SLAIN1: variants seen among roughly 807,000 people sequenced by gnomAD.
SLAIN1 encodes SLAIN motif-containing protein 1.
A neutral mutation model predicts 55.4 loss-of-function variants in SLAIN1; 17 were observed. The ratio of observed to expected loss-of-function variants is 0.31; its 90% CI spans 0.21 to 0.46. SLAIN1 has a LOEUF of 0.46. Ranked by LOEUF, SLAIN1 falls within the 20% of genes least tolerant of loss-of-function variation. The probability of loss-of-function intolerance (pLI) is 1.00; values close to 1 mark genes in which losing one functional copy is unlikely to be tolerated. For synonymous variants in SLAIN1, 348 were observed against 337.4 expected (o/e 1.03, Z -0.35); for missense variants, 682 against 785.1 (o/e 0.87, Z 1.57).
chr13:77,753,989 C>A (rs915055274), intron 5 of SLAIN1, among the ~76,000 whole-genome samples: 4 of 152,200 alleles, frequency 2.6e-5, no homozygotes, highest in African/African-American at 9.7e-5. Flanking sequence ...TGTGTATCTT[C>A]ACTTTATGTG....
Position 77,698,237 on chromosome 13 carries a change from C to T in SLAIN1, c.324C>T (p.Gly108=). The change falls in exon 1 of 7, where the codon GGC becomes GGT. Residue 108 remains glycine (G), a synonymous_variant. Transcript: ENST00000418532. This position sits in a 1 kb window ranked among gnomAD's most constrained non-coding sequence, Gnocchi z 4.1. ...LGLALGAGGG[G]GSGSGSGGGS... ...TGGCGCTGGGCGCGGGGGGCGGTGG[C>T]GGCAGCGGTAGTGGCAGCGGCGGTG... 4 of 1,357,276 alleles carry T rather than the reference C, an allele frequency of 2.9e-6. No homozygotes were observed. The highest frequency in any genetic ancestry group is 3.3e-5 in the East Asian group (1 of 30,226). The allele number at this position is 1,357,276 out of a possible 1,614,324, so 84.1% of individuals were successfully genotyped here. A position where few individuals can be genotyped will look rare whatever the true frequency, so the allele number is the denominator to read the frequency against.
chr13:77,703,016 T>G (rs1342275652), intron 1 of SLAIN1, among the ~76,000 whole-genome samples: 9 of 152,122 alleles, frequency 5.9e-5, no homozygotes, highest in Admixed American at 5.9e-4. Flanking sequence ...GGAAGTTAGG[T>G]CTTGCACACC....
In SLAIN1 at chr13:77,698,923, G is replaced by T. The variant is rs1473493302; in HGVS notation, c.626+384G>T. The T allele has an allele frequency of 7.8e-6, 12 of 1,533,790 alleles. No homozygotes were observed. The highest frequency in any genetic ancestry group is 1.4e-5 in the African/African-American group (1 of 73,102). ...CAGTGTTTTCGGAGGGATGACGGGG[G>T]ATGGTAGGGGTTGGCCTCTGTCTGC... is the stretch of plus-strand genomic sequence containing the variant. On this transcript the variant is annotated intron_variant, in intron 1 of 6. Transcript: ENST00000418532. This position sits in a 1 kb window ranked among gnomAD's most constrained non-coding sequence, Gnocchi z 4.1.
chr13:77,724,040 G>A (rs1146916), intron 2 of SLAIN1, among the ~76,000 whole-genome samples: 19,581 of 152,012 alleles, frequency 0.13, 2,258 homozygotes, highest in African/African-American at 0.31. Flanking sequence ...AACAGCACAG[G>A]TATTAAGTCT....
At chr13:77,759,018 T>C (rs1874814346) in intron 5 of SLAIN1, among the ~76,000 whole-genome samples, 1 of 152,178 alleles carries the variant, frequency 6.6e-6, no homozygotes, top group African/African-American at 2.4e-5. Flanking sequence ...TGTAGATTGC[T>C]TTGGGCAGTA....
At chr13:77,714,357 A>C (rs2091184995) in intron 1 of SLAIN1, among the ~76,000 whole-genome samples, 1 of 152,100 alleles carries the variant, frequency 6.6e-6, no homozygotes, top group Non-Finnish European at 1.5e-5. Flanking sequence ...CACACCTGTA[A>C]TCCCAGCACC....
At chr13:77,734,918 G>T (rs781063621) in intron 2 of SLAIN1, among the ~76,000 whole-genome samples, 13 of 152,028 alleles carry the variant, frequency 8.6e-5, no homozygotes, top group Non-Finnish European at 1.3e-4. Flanking sequence ...TACTCAGGAG[G>T]CTGAGACAGG....
chr13:77,761,232 C>A, intron 6 of SLAIN1, 122 bp downstream of exon 6: 3 of 914,692 alleles, frequency 3.3e-6, no homozygotes, highest in Non-Finnish European at 5.0e-6. Flanking sequence ...TATGGCCTGA[C>A]TTGTGCTCTC....
chr13:77,713,905 A>T (rs1476934130), intron 1 of SLAIN1, among the ~76,000 whole-genome samples: 1 of 152,116 alleles, frequency 6.6e-6, no homozygotes, highest in Non-Finnish European at 1.5e-5. Flanking sequence ...CATCATTCTC[A>T]GCAAACTAAC....
At chr13:77,707,714 C>G (rs1471034385) in intron 1 of SLAIN1, among the ~76,000 whole-genome samples, 2 of 152,138 alleles carry the variant, frequency 1.3e-5, no homozygotes, top group Non-Finnish European at 2.9e-5. Flanking sequence ...GAGATGTAAG[C>G]AAGGCAGTCA....
intron 1 of SLAIN1, among the ~76,000 whole-genome samples, chr13:77,702,782 G>A (rs1158917201): frequency 6.6e-6 from 1 of 152,072 alleles, no homozygotes; most frequent in Non-Finnish European, 1.5e-5. Flanking sequence ...TTAGTGGATT[G>A]ACCAGCATTT....
intron 1 of SLAIN1, among the ~76,000 whole-genome samples, chr13:77,703,910 C>CACATATATATTTTTATATGTGTATATAT (rs1315325429): frequency 3.1e-5 from 4 of 127,758 alleles, no homozygotes; most frequent in Non-Finnish European, 4.9e-5. Context: ...TATATACACA[C>CACATATATATTTTTATATGTGTATATAT]ACACATATAT....
rs1449466459 is a variant in SLAIN1, at chr13:77,762,008, G to C, written c.1697+898G>C. On this transcript the variant is annotated intron_variant, in intron 6 of 6. Coordinates refer to ENST00000418532, the MANE Select transcript of SLAIN1 (RefSeq NM_001242868.2). ...TTTTTTCTGTCTTTATGCATTTATGGATATATAAATAGTTTTATTTTGTTT... is the reference window on the plus strand; with the variant it reads ...TTTTTTCTGTCTTTATGCATTTATGCATATATAAATAGTTTTATTTTGTTT... 2.0e-5 allele frequency among the ~76,000 whole-genome samples: 3 copies of C among 152,270 alleles called. No individual in the cohort carries two copies. In the South Asian group the frequency reaches 6.2e-4, roughly 32 times the overall value.
At chr13:77,700,950 T>C (rs1210903637) in intron 1 of SLAIN1, among the ~76,000 whole-genome samples, 1 of 152,194 alleles carries the variant, frequency 6.6e-6, no homozygotes, top group African/African-American at 2.4e-5. Flanking sequence ...GTTAATACTC[T>C]GCAGCTCCTT....
intron 5 of SLAIN1, among the ~76,000 whole-genome samples, chr13:77,759,787 A>T (rs1874871811): frequency 6.6e-6 from 1 of 152,148 alleles, no homozygotes; most frequent in East Asian, 1.9e-4. Flanking sequence ...CCTGGGATGA[A>T]ACCTGCTTGA....
In SLAIN1 at chr13:77,698,750, C is replaced by G; in HGVS notation, c.626+211C>G. On this transcript the variant is annotated intron_variant, in intron 1 of 6. Coordinates refer to ENST00000418532, the MANE Select transcript of SLAIN1 (RefSeq NM_001242868.2). This position sits in a 1 kb window ranked among gnomAD's most constrained non-coding sequence, Gnocchi z 4.1. ...TGAAGGCAGAAACCTGTTTTCTAATCGCTCCGACTGCGGATGAACCGGCCC... is the reference window on the plus strand; with the variant it reads ...TGAAGGCAGAAACCTGTTTTCTAATGGCTCCGACTGCGGATGAACCGGCCC... 3 of 1,121,888 alleles carry G rather than the reference C, an allele frequency of 2.7e-6. No homozygotes were observed. Among genetic ancestry groups the G allele is most frequent in the Non-Finnish European group, 3.6e-6 (3 of 827,778 alleles). The allele number at this position is 1,121,888 out of a possible 1,614,324, so 69.5% of individuals were successfully genotyped here. A position where few individuals can be genotyped will look rare whatever the true frequency, so the allele number is the denominator to read the frequency against.
intron 1 of SLAIN1, among the ~76,000 whole-genome samples, chr13:77,708,814 T>C (rs2091116303): frequency 6.6e-6 from 1 of 151,950 alleles, no homozygotes; most frequent in Non-Finnish European, 1.5e-5. Context: ...GAAAAAACAG[T>C]GCAAAAAGGC....
intron 1 of SLAIN1, among the ~76,000 whole-genome samples, chr13:77,707,197 T>A (rs544460843): frequency 5.3e-5 from 8 of 152,268 alleles, no homozygotes; most frequent in African/African-American, 1.9e-4. Flanking sequence ...GATTTTCTTA[T>A]CTGTCTTATC....
rs142633526 is a variant in SLAIN1, at chr13:77,760,890, C to T, written c.1477C>T (p.Arg493Ter). The change falls in exon 6 of 7, where the codon CGA becomes TGA. Residue 493 changes from arginine to a stop codon, truncating the protein, a stop_gained. Transcript: ENST00000418532. LOFTEE classifies it high-confidence loss of function. Reference sequence around the variant, plus strand: ...CGTGGGGCATTTCCCAGTGTCTATCCGACAGCCTCTTAAAGCCACAGCCTA... The same window carrying T: ...CGTGGGGCATTTCCCAGTGTCTATCTGACAGCCTCTTAAAGCCACAGCCTA... ...HSVGHFPVSI[R>*]QPLKATAYVS... 5 of 1,614,090 alleles carry T rather than the reference C, an allele frequency of 3.1e-6. No individual in the cohort carries two copies. Among genetic ancestry groups the T allele is most frequent in the African/African-American group, 1.3e-5 (1 of 75,024 alleles).
Sources: allele counts gnomAD v4.1 joint callset (sites outside exome capture counted in the v4.1 genomes callset), GRCh38; gene constraint gnomAD v4.1.1; non-coding constraint Gnocchi (gnomAD v3.1); transcripts MANE v1.5; gene names NCBI Gene and HGNC (gene_info 2026-07-23, HGNC 2026-07-21).